SDK1: variants seen among roughly 807,000 people sequenced by gnomAD.
The protein encoded by SDK1 is sidekick cell adhesion molecule 1.
SDK1 carries 157 observed loss-of-function variants against 245.5 expected under a neutral mutation model. That is an observed-to-expected ratio of 0.64 (90% confidence interval 0.56 to 0.73). The LOEUF (loss-of-function observed/expected upper bound fraction) is 0.73, where lower values mean the gene tolerates loss of function less well. SDK1 is among the 30% of genes least tolerant of loss of function. The probability of loss-of-function intolerance (pLI) is 0.00; values close to 1 mark genes in which losing one functional copy is unlikely to be tolerated. For synonymous variants in SDK1, 1,647 were observed against 1,278.5 expected (o/e 1.29, Z -6.15); for missense variants, 3,583 against 3,002.3 (o/e 1.19, Z -4.52).
At chr7:4,049,795 C>G (rs771423503) in intron 18 of SDK1, among the ~76,000 whole-genome samples, 3 of 152,164 alleles carry the variant, frequency 2.0e-5, no homozygotes, top group Non-Finnish European at 4.4e-5. Flanking sequence ...GAAGGAGGTC[C>G]TCTCAGGAGA....
intron 5 of SDK1, among the ~76,000 whole-genome samples, chr7:3,906,548 G>C (rs1045450986): frequency 3.4e-5 from 5 of 148,912 alleles, no homozygotes; most frequent in African/African-American, 9.8e-5. Flanking sequence ...GGTTTCAATG[G>C]TTTAGAGCTG....
intron 4 of SDK1, among the ~76,000 whole-genome samples, chr7:3,764,525 A>C (rs1780196860): frequency 6.6e-6 from 1 of 152,138 alleles, no homozygotes; most frequent in Non-Finnish European, 1.5e-5. Flanking sequence ...GCCTCTACTA[A>C]TAATACAAAA....
At chr7:3,373,330 A>G (rs1781273142) in intron 1 of SDK1, among the ~76,000 whole-genome samples, 1 of 152,222 alleles carries the variant, frequency 6.6e-6, no homozygotes, top group Non-Finnish European at 1.5e-5. Context: ...GAATGGTTGT[A>G]TGGGTCCCAT....
At position 3,659,305 on chromosome 7, in the gene SDK1, C is replaced by T. The variant is rs115738803; in HGVS notation, c.713+17200C>T. ...ATGATATCACATAGGTTCCTGTTCT[C>T]AGAATTTCCAGCCTGGTAAGGATAA... On this transcript the variant is annotated intron_variant, in intron 4 of 44. Transcript: ENST00000404826. 2.5e-3 allele frequency among the ~76,000 whole-genome samples: 387 copies of T among 152,202 alleles called. 2 individuals are homozygous for T. The highest frequency in any genetic ancestry group is 8.9e-3 in the African/African-American group (371 of 41,526).
chr7:3,541,688 G>A (rs1779056791), intron 1 of SDK1, among the ~76,000 whole-genome samples: 1 of 152,058 alleles, frequency 6.6e-6, no homozygotes, highest in East Asian at 1.9e-4. Context: ...ACTAATTTCT[G>A]CATCTAGGCA....
At chr7:3,810,659 C>G (rs1322107980) in intron 4 of SDK1, among the ~76,000 whole-genome samples, 1 of 152,224 alleles carries the variant, frequency 6.6e-6, no homozygotes, top group Non-Finnish European at 1.5e-5. Flanking sequence ...GTTACATCAA[C>G]AGTTACCCTA....
intron 11 of SDK1, among the ~76,000 whole-genome samples, chr7:3,970,745 G>A (rs985536877): frequency 5.3e-5 from 8 of 152,170 alleles, no homozygotes; most frequent in East Asian, 1.9e-4. Flanking sequence ...TATTAGTGAC[G>A]TAAGCATTCC....
At chr7:3,589,577 C>T (rs1780796033) in intron 1 of SDK1, among the ~76,000 whole-genome samples, 1 of 152,216 alleles carries the variant, frequency 6.6e-6, no homozygotes, top group South Asian at 2.1e-4. Context: ...CATAGTTCCA[C>T]ATGGCTGGGG....
intron 19 of SDK1, among the ~76,000 whole-genome samples, chr7:4,055,566 G>C (rs1439523884): frequency 2.0e-5 from 3 of 149,410 alleles, no homozygotes; most frequent in African/African-American, 7.5e-5. Context: ...TTTGTTTTTT[G>C]TTTTTTTAGA....
In SDK1 at chr7:3,596,723, C is replaced by G. The variant is rs915998721; in HGVS notation, c.299-22357C>G. Among the ~76,000 whole-genome samples the G allele has an allele frequency of 3.3e-5, 5 of 152,186 alleles. No individual in the cohort carries two copies. The South Asian group carries it at 8.3e-4, about 25-fold the overall frequency. On this transcript the variant is annotated intron_variant, in intron 1 of 44. Transcript: ENST00000404826. ...AAAATGTTAAAAGAAGAACTTCAGA[C>G]AAAGGAAATTTAGCAGAGTTTAATT...
intron 4 of SDK1, among the ~76,000 whole-genome samples, chr7:3,740,670 G>C (rs1033564878): frequency 2.0e-5 from 3 of 152,220 alleles, no homozygotes; most frequent in African/African-American, 4.8e-5. Context: ...TGTGGAACTA[G>C]TGGAAGGGGT....
At chr7:3,810,701 C>T (rs1424771111) in intron 4 of SDK1, among the ~76,000 whole-genome samples, 5 of 152,192 alleles carry the variant, frequency 3.3e-5, no homozygotes, top group African/African-American at 1.2e-4. Flanking sequence ...GTCCCTCCTA[C>T]TAGACAGCAT....
At chr7:3,919,689 C>T (rs1264218845) in intron 5 of SDK1, among the ~76,000 whole-genome samples, 1 of 152,202 alleles carries the variant, frequency 6.6e-6, no homozygotes, top group East Asian at 1.9e-4. Flanking sequence ...CCATGTTGCT[C>T]TACTGGGCCC....
intron 1 of SDK1, among the ~76,000 whole-genome samples, chr7:3,393,567 A>G (rs183820272): frequency 2.7e-4 from 41 of 152,292 alleles, no homozygotes; most frequent in African/African-American, 9.9e-4. Flanking sequence ...ATAAAACTGG[A>G]TTATTCGCAG....
chr7:4,140,957 T>C (rs1177666708), intron 28 of SDK1, among the ~76,000 whole-genome samples: 2 of 152,144 alleles, frequency 1.3e-5, no homozygotes, highest in African/African-American at 4.8e-5. Context: ...TTTAAAAAAA[T>C]GATTAATACC....
intron 1 of SDK1, among the ~76,000 whole-genome samples, chr7:3,516,714 A>C (rs1782762892): frequency 6.6e-6 from 1 of 152,188 alleles, no homozygotes; most frequent in Non-Finnish European, 1.5e-5. Context: ...GGAAAAGTTC[A>C]TGGAAGTCTG....
intron 31 of SDK1, among the ~76,000 whole-genome samples, chr7:4,161,335 A>G (rs1288020487): frequency 6.6e-6 from 1 of 152,198 alleles, no homozygotes; most frequent in Admixed American, 6.5e-5. Context: ...CTTTCCTGAC[A>G]GCCTTTTAGT....
chr7:4,048,444 C>A (rs1248334035), intron 17 of SDK1, among the ~76,000 whole-genome samples: 1 of 152,180 alleles, frequency 6.6e-6, no homozygotes, highest in Non-Finnish European at 1.5e-5. Flanking sequence ...GGTAGACAAT[C>A]CCAGCGAGAC....
chr7:3,464,576 G>A (rs890455287), intron 1 of SDK1, among the ~76,000 whole-genome samples: 2 of 151,986 alleles, frequency 1.3e-5, no homozygotes, highest in Admixed American at 6.6e-5. Context: ...TCTGTCAGTG[G>A]CTCTTTTTTT....
Sources: allele counts gnomAD v4.1 joint callset (sites outside exome capture counted in the v4.1 genomes callset), GRCh38; gene constraint gnomAD v4.1.1; transcripts MANE v1.5; gene names NCBI Gene and HGNC (gene_info 2026-07-23, HGNC 2026-07-21).